The following BRAF variants were observed in gnomAD, a reference collection of about 807,000 sequenced individuals.
BRAF encodes the protein serine/threonine-protein kinase B-raf.
BRAF carries 16 observed loss-of-function variants against 104.6 expected under a neutral mutation model. The ratio of observed to expected loss-of-function variants is 0.15; its 90% CI spans 0.10 to 0.23. The LOEUF (loss-of-function observed/expected upper bound fraction) is 0.23. Among genes scored for constraint, BRAF ranks in the 10% least tolerant of loss-of-function variants. The pLI is 1.00. For missense variants in BRAF, 541 were observed against 937.3 expected, an observed-to-expected ratio of 0.58 and a Z score of 5.52; for synonymous variants, 310 against 341.6, an observed-to-expected ratio of 0.91 and a Z score of 1.02.
intron 1 of BRAF, among the ~76,000 whole-genome samples, chr7:140,892,756 A>T (rs1236870239): frequency 1.3e-5 from 2 of 152,182 alleles, no homozygotes; most frequent in Non-Finnish European, 2.9e-5. Flanking sequence ...AAAGTGAAAC[A>T]CAGACCTCCC....
At chr7:140,829,199 T>G (rs1011894682) in intron 3 of BRAF, among the ~76,000 whole-genome samples, 6 of 145,990 alleles carry the variant, frequency 4.1e-5, no homozygotes, top group Admixed American at 6.9e-5. Context: ...TTTTTTTTTG[T>G]GGGGGGGGGC....
intron 1 of BRAF, among the ~76,000 whole-genome samples, chr7:140,903,902 C>T (rs780059317): frequency 7.5e-4 from 114 of 152,326 alleles, no homozygotes; most frequent in Non-Finnish European, 1.4e-3. Flanking sequence ...AAAGATGTGA[C>T]TGAATTGCTA....
intron 6 of BRAF, among the ~76,000 whole-genome samples, chr7:140,800,740 G>A (rs994002929): frequency 6.6e-6 from 1 of 152,118 alleles, no homozygotes; most frequent in Non-Finnish European, 1.5e-5. Context: ...ATGCTTTATG[G>A]TTAAAGAATG....
At chr7:140,798,559 CTTT>C (rs1033928919) in intron 7 of BRAF, among the ~76,000 whole-genome samples, 11 of 125,336 alleles carry the variant, frequency 8.8e-5, no homozygotes, top group East Asian at 4.6e-4. Flanking sequence ...CGCGCCCGGC[CTTT>C]TTTTTTTTTT....
At chr7:140,856,271 G>T (rs2129079038) in intron 1 of BRAF, among the ~76,000 whole-genome samples, 1 of 151,982 alleles carries the variant, frequency 6.6e-6, no homozygotes, top group Non-Finnish European at 1.5e-5. Flanking sequence ...GAGGAACAGA[G>T]GGAGGGAAGG....
At chr7:140,754,163 G>T (rs768059168) in intron 15 of BRAF, 24 bp downstream of exon 14, 5 of 1,608,488 alleles carry the variant, frequency 3.1e-6, no homozygotes, top group Non-Finnish European at 4.3e-6. Context: ...TTCAAACTTC[G>T]CAGACAAATT....
intron 2 of BRAF, among the ~76,000 whole-genome samples, chr7:140,847,776 G>T (rs182363385): frequency 1.9e-4 from 29 of 152,210 alleles, no homozygotes; most frequent in African/African-American, 7.0e-4. Flanking sequence ...GTATAAGAAG[G>T]CTGGATATCT....
intron 17 of BRAF, among the ~76,000 whole-genome samples, chr7:140,742,104 T>C (rs537265256): frequency 1.3e-5 from 2 of 152,354 alleles, no homozygotes; most frequent in East Asian, 1.9e-4. Context: ...AGCCATGTCA[T>C]AGGTCTATAG....
At chr7:140,820,167 T>C (rs1805324007) in intron 3 of BRAF, among the ~76,000 whole-genome samples, 1 of 152,226 alleles carries the variant, frequency 6.6e-6, no homozygotes, top group South Asian at 2.1e-4. Context: ...AAGTCAAATA[T>C]ACTTTAAATT....
chr7:140,802,954 T>A (rs1803284614), intron 5 of BRAF, among the ~76,000 whole-genome samples: 1 of 152,216 alleles, frequency 6.6e-6, no homozygotes, highest in Admixed American at 6.5e-5. Context: ...GCTCTGTTCA[T>A]ATTAGGTATC....
intron 2 of BRAF, among the ~76,000 whole-genome samples, chr7:140,848,620 T>C (rs879573604): frequency 2.6e-5 from 4 of 152,218 alleles, no homozygotes; most frequent in Non-Finnish European, 5.9e-5. Flanking sequence ...ATAGAAATGG[T>C]TGGAAGAAAA....
chr7:140,795,439 T>C (rs982978466), intron 7 of BRAF, among the ~76,000 whole-genome samples: 2 of 152,246 alleles, frequency 1.3e-5, no homozygotes, highest in Admixed American at 6.5e-5. Context: ...ACATATTGGT[T>C]ATCATTCCAC....
intron 1 of BRAF, among the ~76,000 whole-genome samples, chr7:140,906,863 T>C (rs747304688): frequency 6.6e-6 from 1 of 152,208 alleles, no homozygotes; most frequent in Non-Finnish European, 1.5e-5. Context: ...TGTATCTGGG[T>C]TTATGCAGTT....
intron 8 of BRAF, among the ~76,000 whole-genome samples, chr7:140,789,186 G>C (rs968507952): frequency 6.6e-6 from 1 of 151,602 alleles, no homozygotes; most frequent in Non-Finnish European, 1.5e-5. Flanking sequence ...TCCAGCCTGG[G>C]TGACAGAGTG....
intron 3 of BRAF, among the ~76,000 whole-genome samples, chr7:140,819,293 C>G (rs568751583): frequency 4.3e-4 from 65 of 152,120 alleles, no homozygotes; most frequent in Non-Finnish European, 7.8e-4. Context: ...CTTCACATTA[C>G]TAGTCATAAG....
intron 3 of BRAF, among the ~76,000 whole-genome samples, chr7:140,827,598 T>C (rs1349874784): frequency 6.6e-6 from 1 of 152,226 alleles, no homozygotes; most frequent in Non-Finnish European, 1.5e-5. Flanking sequence ...AAGGGTCAGC[T>C]TTATGTGAGA....
intron 19 of BRAF, chr7:140,726,612 A>G: frequency 9.2e-7 from 1 of 1,088,064 alleles, no homozygotes; most frequent in Non-Finnish European, 1.3e-6. Context: ...AAAAGTAACT[A>G]GTTATATATT....
intron 1 of BRAF, among the ~76,000 whole-genome samples, chr7:140,857,849 AAAAC>A (rs1354692510): frequency 6.6e-6 from 1 of 152,310 alleles, no homozygotes; most frequent in East Asian, 1.9e-4. Context: ...ATGGTATGCA[AAAAC>A]AAACAAATAA....
rs547381778 is a variant in BRAF at position 140,907,052 on chromosome 7, T to C, written c.138+17514A>G. Among the ~76,000 whole-genome samples, 8 of 152,346 alleles carry C rather than the reference T, an allele frequency of 5.3e-5. 1 individual carries two copies. Among genetic ancestry groups the C allele is most frequent in the African/African-American group, 1.9e-4 (8 of 41,572 alleles). On this transcript the variant is annotated intron_variant, in intron 1 of 19. Transcript: ENST00000644969. ...CTTTCCAGAGCTCTGATTAAAGAAA[T>C]TAGATCTTATTCTGTCTTCCATGTC...
Sources: allele counts gnomAD v4.1 joint callset (sites outside exome capture counted in the v4.1 genomes callset), GRCh38; gene constraint gnomAD v4.1.1; transcripts MANE v1.5; gene names NCBI Gene and HGNC (gene_info 2026-07-23, HGNC 2026-07-21).